Variants in PTPRN2 observed in about 807,000 individuals in gnomAD.
PTPRN2 encodes protein tyrosine phosphatase receptor type N2.
A neutral mutation model predicts 118.8 loss-of-function variants in PTPRN2; 74 were observed. The observed-to-expected ratio is 0.62, with a 90% CI of 0.52 to 0.76. The LOEUF (loss-of-function observed/expected upper bound fraction) is 0.76. Among genes scored for constraint, PTPRN2 ranks in the 30% least tolerant of loss-of-function variants. The probability of loss-of-function intolerance (pLI) is 0.00; values close to 1 mark genes in which losing one functional copy is unlikely to be tolerated. For missense variants in PTPRN2, 1,481 were observed against 1,394.4 expected (o/e 1.06, Z -0.99); for synonymous variants, 641 against 608.0 (o/e 1.05, Z -0.80).
chr7:158,337,295 A>G (rs1394588211), intron 2 of PTPRN2, among the ~76,000 whole-genome samples: 2 of 150,658 alleles, frequency 1.3e-5, no homozygotes, highest in Non-Finnish European at 3.0e-5. Flanking sequence ...TCACCATAAG[A>G]GCTGTCACGC....
chr7:157,648,697 G>A (rs1316362533), intron 14 of PTPRN2, among the ~76,000 whole-genome samples: 1 of 146,166 alleles, frequency 6.8e-6, no homozygotes, highest in Non-Finnish European at 1.5e-5. Flanking sequence ...TGAACTCGGT[G>A]GGTCAGACCC....
rs1362492338 is a variant in PTPRN2 at position 158,316,106 on chromosome 7, C to CG, written c.277+712dup. On this transcript the variant is annotated intron_variant, in intron 3 of 22. Coordinates refer to ENST00000389418, the MANE Select transcript of PTPRN2 (RefSeq NM_002847.5). ...TTCCCCGAGGTGATCAGCCAGCCGC[C>CG]GGGGGGCAGGTGGTTCCGCAGGCAG... Among the ~76,000 whole-genome samples the CG allele has an allele frequency of 2.6e-5, 4 of 152,294 alleles. No individual in the cohort carries two copies. In the East Asian group the frequency reaches 5.8e-4, roughly 22 times the overall value.
In PTPRN2 at chr7:157,763,958, G is replaced by A. The variant is rs926759885; in HGVS notation, c.1789-81021C>T. 2.0e-5 allele frequency among the ~76,000 whole-genome samples: 3 copies of A among 152,128 alleles called. No individual in the cohort carries two copies. Among genetic ancestry groups the A allele is most frequent in the Non-Finnish European group, 2.9e-5 (2 of 68,030 alleles). ...CCATTTTCCAAACACTCTCATGTTC[G>A]TTTGATCTTCATGATGTCCGTGAAC... On this transcript the variant is annotated intron_variant, in intron 12 of 22. Coordinates refer to ENST00000389418, the MANE Select transcript of PTPRN2 (RefSeq NM_002847.5). This position sits in a 1 kb window ranked among gnomAD's most constrained non-coding sequence, Gnocchi z 4.9.
At chr7:157,740,738 C>T (rs1324024101) in intron 12 of PTPRN2, among the ~76,000 whole-genome samples, 1 of 152,206 alleles carries the variant, frequency 6.6e-6, no homozygotes, top group Non-Finnish European at 1.5e-5. Flanking sequence ...AATCCCATCC[C>T]GATGGGCACT....
intron 10 of PTPRN2, among the ~76,000 whole-genome samples, chr7:158,094,511 G>A (rs1277784572): frequency 1.3e-5 from 2 of 151,952 alleles, no homozygotes; most frequent in Admixed American, 6.6e-5. Context: ...GTTTCACTAT[G>A]TTGGCCAGGC....
intron 11 of PTPRN2, among the ~76,000 whole-genome samples, chr7:157,978,871 T>C (rs1223403777): frequency 6.6e-6 from 1 of 151,972 alleles, no homozygotes; most frequent in Non-Finnish European, 1.5e-5. Context: ...CCAGGAAGCA[T>C]AGCGCCATGA....
At chr7:158,116,019 C>A (rs549944192) in intron 9 of PTPRN2, among the ~76,000 whole-genome samples, 44 of 152,248 alleles carry the variant, frequency 2.9e-4, no homozygotes, top group Non-Finnish European at 6.3e-4. Context: ...GCTCTGCACA[C>A]CCTGCATGGA....
intron 3 of PTPRN2, among the ~76,000 whole-genome samples, chr7:158,211,289 G>A (rs4506155): frequency 0.51 from 77,906 of 152,006 alleles, 21,874 homozygotes; most frequent in African/African-American, 0.76. Context: ...AATACCCCAT[G>A]AGCACAGGCA....
intron 2 of PTPRN2, among the ~76,000 whole-genome samples, chr7:158,327,043 A>G (rs1803647429): frequency 6.6e-6 from 1 of 151,802 alleles, no homozygotes; most frequent in Non-Finnish European, 1.5e-5. Flanking sequence ...ACACATGCAC[A>G]TGTACACATT....
chr7:158,146,468 T>C (rs1474812317), intron 6 of PTPRN2, among the ~76,000 whole-genome samples: 7 of 152,006 alleles, frequency 4.6e-5, no homozygotes, highest in Admixed American at 3.3e-4. Flanking sequence ...ACACCTGTAA[T>C]CCCAGCACTT....
intron 2 of PTPRN2, among the ~76,000 whole-genome samples, chr7:158,329,547 C>A (rs893831696): frequency 1.2e-4 from 18 of 152,176 alleles, no homozygotes; most frequent in Non-Finnish European, 1.8e-4. Flanking sequence ...CGTCGATGAG[C>A]CAGGAGGGGA....
intron 20 of PTPRN2, among the ~76,000 whole-genome samples, chr7:157,571,171 C>T (rs932374515): frequency 3.4e-5 from 5 of 146,496 alleles, no homozygotes; most frequent in East Asian, 2.0e-4. Context: ...GACGAGACCA[C>T]GCCATTGCAC....
intron 14 of PTPRN2, among the ~76,000 whole-genome samples, chr7:157,652,748 G>A (rs1165135401): frequency 2.0e-5 from 3 of 152,196 alleles, no homozygotes; most frequent in East Asian, 1.9e-4. Flanking sequence ...TCCCCCCATC[G>A]GGGCAGGCAC....
chr7:158,331,501 C>T (rs1804435081), intron 2 of PTPRN2, among the ~76,000 whole-genome samples: 1 of 146,018 alleles, frequency 6.8e-6, no homozygotes, highest in South Asian at 2.2e-4. Context: ...ACCATACGAG[C>T]TGTCACCCAC....
At position 158,187,981 on chromosome 7, in the gene PTPRN2, G is replaced by A. The variant is rs552713738; in HGVS notation, c.549+4346C>T. Reference sequence around the variant, plus strand: ...CGCCCCTCTCCCATTCCTCTTTCTTGAAATGGAGAGCAGGCAAGATGGGGG... The same window carrying A: ...CGCCCCTCTCCCATTCCTCTTTCTTAAAATGGAGAGCAGGCAAGATGGGGG... On this transcript the variant is annotated intron_variant, in intron 5 of 22. Coordinates refer to ENST00000389418, the MANE Select transcript of PTPRN2 (RefSeq NM_002847.5). Among the ~76,000 whole-genome samples the A allele has an allele frequency of 6.6e-4, 100 of 152,262 alleles. 1 individual carries two copies. Among genetic ancestry groups the A allele is most frequent in the African/African-American group, 2.1e-3 (88 of 41,544 alleles).
intron 11 of PTPRN2, among the ~76,000 whole-genome samples, chr7:157,979,620 G>C (rs1010063737): frequency 1.3e-5 from 2 of 152,204 alleles, no homozygotes; most frequent in African/African-American, 4.8e-5. Flanking sequence ...ACACAGAAGA[G>C]CCATGCAGCC....
At chr7:157,756,187 G>C (rs1208133250) in intron 12 of PTPRN2, among the ~76,000 whole-genome samples, 1 of 152,238 alleles carries the variant, frequency 6.6e-6, no homozygotes, top group Non-Finnish European at 1.5e-5. Context: ...ATCTGGAAGA[G>C]TGGCACTTCC....
chr7:157,802,436 G>A (rs1377594866), intron 12 of PTPRN2, among the ~76,000 whole-genome samples: 2 of 152,208 alleles, frequency 1.3e-5, no homozygotes, highest in Admixed American at 1.3e-4. Context: ...TAAGGCTGAA[G>A]AGCACCCACT....
At chr7:157,593,697 T>A (rs1207560384) in intron 17 of PTPRN2, among the ~76,000 whole-genome samples, 1 of 152,148 alleles carries the variant, frequency 6.6e-6, no homozygotes, top group Admixed American at 6.5e-5. Flanking sequence ...TGGGTCCATG[T>A]TTCAGGAAGG....
Sources: allele counts gnomAD v4.1 joint callset (sites outside exome capture counted in the v4.1 genomes callset), GRCh38; gene constraint gnomAD v4.1.1; non-coding constraint Gnocchi (gnomAD v3.1); transcripts MANE v1.5; gene names NCBI Gene and HGNC (gene_info 2026-07-23, HGNC 2026-07-21).